Variants in ITGB6 observed in about 807,000 individuals in gnomAD.
The protein encoded by ITGB6 is integrin beta-6.
In ITGB6, 80 loss-of-function variants were observed where a neutral mutation model predicts 84.5. That is an observed-to-expected ratio of 0.95 (90% confidence interval 0.79 to 1.14). The LOEUF is 1.14. Ranked by LOEUF, ITGB6 falls within the 50% of genes most tolerant of loss-of-function variation. ITGB6 has a pLI of 0.00. For missense variants in ITGB6, 1,006 were observed against 968.0 expected (o/e 1.04, Z -0.52); for synonymous variants, 383 against 354.9 (o/e 1.08, Z -0.89).
chr2:160,131,118 G>A (rs1683452124), intron 10 of ITGB6, among the ~76,000 whole-genome samples: 1 of 152,142 alleles, frequency 6.6e-6, no homozygotes, highest in African/African-American at 2.4e-5. Context: ...TTCATGGAGG[G>A]ACAAGATGAT....
chr2:160,141,308 G>T (rs1170018970), intron 8 of ITGB6, among the ~76,000 whole-genome samples: 1 of 151,832 alleles, frequency 6.6e-6, no homozygotes, highest in African/African-American at 2.4e-5. Flanking sequence ...AAAAATAATT[G>T]ACAATGGGCC....
At chr2:160,182,460 A>T (rs1005192297) in intron 4 of ITGB6, among the ~76,000 whole-genome samples, 1 of 152,210 alleles carries the variant, frequency 6.6e-6, no homozygotes, top group Non-Finnish European at 1.5e-5. Context: ...ATGAAAAGGA[A>T]CAATCAAAGC....
chr2:160,181,385 G>C (rs1419694627), intron 4 of ITGB6, among the ~76,000 whole-genome samples: 1 of 152,166 alleles, frequency 6.6e-6, no homozygotes, highest in Non-Finnish European at 1.5e-5. Context: ...GTTCGAATTC[G>C]GCAGAGCTCA....
At chr2:160,128,507 C>T (rs572218641) in intron 10 of ITGB6, among the ~76,000 whole-genome samples, 1 of 152,236 alleles carries the variant, frequency 6.6e-6, no homozygotes, top group Admixed American at 6.5e-5. Flanking sequence ...CATCAGTAGA[C>T]AGGGTCAAGC....
chr2:160,167,722 CT>C (rs1685054053), intron 7 of ITGB6, among the ~76,000 whole-genome samples: 2 of 152,164 alleles, frequency 1.3e-5, no homozygotes, highest in Admixed American at 6.5e-5. Context: ...CTGCCTCTGT[CT>C]TTTTAATAGC....
At chr2:160,151,301 C>T (rs1684407105) in intron 7 of ITGB6, among the ~76,000 whole-genome samples, 1 of 152,240 alleles carries the variant, frequency 6.6e-6, no homozygotes, top group Non-Finnish European at 1.5e-5. Flanking sequence ...TCACTAAAAA[C>T]TGCACAGCTA....
At chr2:160,196,482 G>A (rs1686344504) in intron 2 of ITGB6, 62 bp from the exon 3 acceptor site, 1 of 1,410,460 alleles carries the variant, frequency 7.1e-7, no homozygotes, top group African/African-American at 1.4e-5. Flanking sequence ...TTCTTTATAA[G>A]ATACCAGCAA....
chr2:160,142,892 A>G (rs1224793058), intron 7 of ITGB6, among the ~76,000 whole-genome samples: 2 of 152,218 alleles, frequency 1.3e-5, no homozygotes, highest in Non-Finnish European at 1.5e-5. Flanking sequence ...TCAAATGAAA[A>G]GTTTTACAAG....
At chr2:160,136,415 G>A (rs1683724177) in intron 10 of ITGB6, among the ~76,000 whole-genome samples, 1 of 152,092 alleles carries the variant, frequency 6.6e-6, no homozygotes. Flanking sequence ...GTGCTGGAGA[G>A]GATGTGGAGA....
chr2:160,165,291 T>C (rs1291797569), intron 7 of ITGB6, among the ~76,000 whole-genome samples: 1 of 152,192 alleles, frequency 6.6e-6, no homozygotes, highest in East Asian at 1.9e-4. Flanking sequence ...CATGGTAATT[T>C]CCCTCCTCCA....
intron 10 of ITGB6, among the ~76,000 whole-genome samples, chr2:160,127,770 G>A (rs951501448): frequency 2.6e-5 from 4 of 152,204 alleles, no homozygotes; most frequent in Non-Finnish European, 5.9e-5. Context: ...ATGTGAATGT[G>A]TGTCTCTGTG....
intron 4 of ITGB6, among the ~76,000 whole-genome samples, chr2:160,193,050 G>C (rs1356163096): frequency 6.6e-6 from 1 of 152,056 alleles, no homozygotes; most frequent in South Asian, 2.1e-4. Context: ...AATGCAAAAT[G>C]GTATGTTCAC....
intron 14 of ITGB6, among the ~76,000 whole-genome samples, chr2:160,105,439 T>G (rs74497759): frequency 8.0e-4 from 122 of 152,334 alleles, no homozygotes; most frequent in African/African-American, 2.7e-3. Flanking sequence ...ATGAGAACAT[T>G]GAAATGTGCT....
chr2:160,184,559 A>G (rs1685817386), intron 4 of ITGB6, among the ~76,000 whole-genome samples: 1 of 152,202 alleles, frequency 6.6e-6, no homozygotes. Flanking sequence ...TACAAAGAGG[A>G]GCTGGTACCA....
chr2:160,128,191 AG>A (rs797003248), intron 10 of ITGB6, among the ~76,000 whole-genome samples: 19 of 152,014 alleles, frequency 1.2e-4, no homozygotes, highest in African/African-American at 4.6e-4. Flanking sequence ...ATAGGGGAAT[AG>A]TTTCCAAATT....
intron 6 of ITGB6, among the ~76,000 whole-genome samples, chr2:160,170,564 A>G (rs181762834): frequency 6.6e-6 from 1 of 152,248 alleles, no homozygotes; most frequent in East Asian, 1.9e-4. Flanking sequence ...AGTCCTTCGA[A>G]GGTGAGCGAA....
chr2:160,108,849 C>T lies in ITGB6; in HGVS notation c.2102-1004G>A, dbSNP rs1172571289. Among the ~76,000 whole-genome samples, 3 of 152,302 alleles carry T rather than the reference C, an allele frequency of 2.0e-5. No individual in the cohort carries two copies. In the East Asian group the frequency reaches 5.8e-4, roughly 29 times the overall value. The stretch of plus-strand genomic sequence containing the variant: ...ATTATACAGTACGTTTCCTAATTCA[C>T]AGCAGAATGACTAATAGTCCTTGCA... On this transcript the variant is annotated intron_variant, in intron 13 of 14. Transcript: ENST00000283249.
intron 7 of ITGB6, among the ~76,000 whole-genome samples, chr2:160,165,599 C>T (rs1392148756): frequency 6.6e-6 from 1 of 152,134 alleles, no homozygotes; most frequent in Non-Finnish European, 1.5e-5. Context: ...GTTATTGATT[C>T]CTGAAAAATG....
chr2:160,187,611 T>C (rs1685955479), intron 4 of ITGB6, among the ~76,000 whole-genome samples: 1 of 152,182 alleles, frequency 6.6e-6, no homozygotes, highest in Non-Finnish European at 1.5e-5. Flanking sequence ...AGAATCCAGT[T>C]GTCTTCCATT....
Sources: gnomAD v4.1 joint callset for allele counts (sites outside exome capture counted in the v4.1 genomes callset) on GRCh38, gnomAD v4.1.1 for gene constraint, MANE v1.5 for transcripts, NCBI Gene and HGNC (gene_info 2026-07-23, HGNC 2026-07-21) for gene names.